The following ATF7IP variants were observed in gnomAD, a reference collection of about 807,000 sequenced individuals.
ATF7IP encodes the protein activating transcription factor 7 interacting protein.
Under a neutral mutation model 106.4 loss-of-function variants are expected in ATF7IP, and 23 were observed. The ratio of observed to expected loss-of-function variants is 0.22; its 90% CI spans 0.16 to 0.31. The LOEUF is 0.31. Ranked by LOEUF, ATF7IP falls within the 10% of genes least tolerant of loss-of-function variation. The pLI is 1.00. For synonymous variants in ATF7IP, 542 were observed against 539.0 expected, an observed-to-expected ratio of 1.01 and a Z score of -0.08; for missense variants, 1,334 against 1,524.3, an observed-to-expected ratio of 0.88 and a Z score of 2.08.
intron 1 of ATF7IP, among the ~76,000 whole-genome samples, chr12:14,410,465 T>C (rs1940853489): frequency 6.6e-6 from 1 of 152,166 alleles, no homozygotes; most frequent in African/African-American, 2.4e-5. Context: ...ATGTTTGTCT[T>C]AAAGTCACCC....
At chr12:14,460,345 G>T in intron 8 of ATF7IP, 150 bp from the exon 9 acceptor site, 3 of 719,808 alleles carry the variant, frequency 4.2e-6, no homozygotes, top group South Asian at 2.9e-5. Context: ...TTAAATTTTG[G>T]AATTTAAATC....
intron 10 of ATF7IP, among the ~76,000 whole-genome samples, chr12:14,472,305 TATGAAAAGC>T (rs200056329): frequency 2.0e-4 from 30 of 152,034 alleles, no homozygotes; most frequent in African/African-American, 4.6e-4. Flanking sequence ...AAAATGTGGT[TATGAAAAGC>T]ATGAAAAAGC....
At chr12:14,427,215 C>T (rs1941900234) in intron 2 of ATF7IP, among the ~76,000 whole-genome samples, 1 of 152,066 alleles carries the variant, frequency 6.6e-6, no homozygotes, top group African/African-American at 2.4e-5. Context: ...TTCCACTTTA[C>T]TGGCTTAGGT....
intron 13 of ATF7IP, among the ~76,000 whole-genome samples, chr12:14,487,702 C>T (rs1463544016): frequency 1.3e-5 from 2 of 152,194 alleles, no homozygotes; most frequent in Admixed American, 1.3e-4. Context: ...ACAATTTCAG[C>T]TCTTTCTCTA....
At chr12:14,492,654 G>C (rs536357856) in intron 13 of ATF7IP, among the ~76,000 whole-genome samples, 7 of 152,158 alleles carry the variant, frequency 4.6e-5, no homozygotes, top group African/African-American at 1.7e-4. Flanking sequence ...TGATTAATTA[G>C]CCAATGCCAG....
At chr12:14,478,538 T>G in intron 12 of ATF7IP, 66 bp downstream of exon 12, 1 of 1,547,504 alleles carries the variant, frequency 6.5e-7, no homozygotes, top group South Asian at 1.1e-5. Flanking sequence ...ACTATGGAGT[T>G]AAGTGGAAAG....
intron 10 of ATF7IP, among the ~76,000 whole-genome samples, chr12:14,474,462 G>T (rs1226299120): frequency 2.0e-5 from 3 of 149,184 alleles, no homozygotes; most frequent in African/African-American, 5.0e-5. Context: ...GTGCAGTCGC[G>T]CAATCTCAGC....
At chr12:14,415,648 A>C (rs771339897) in intron 1 of ATF7IP, among the ~76,000 whole-genome samples, 3 of 151,078 alleles carry the variant, frequency 2.0e-5, no homozygotes, top group Admixed American at 2.0e-4. Context: ...AACTTACTCA[A>C]CTGAGTTTAT....
chr12:14,424,042 C>T lies in ATF7IP; in HGVS notation c.127C>T (p.Leu43=). The T allele has an allele frequency of 6.2e-7, 1 of 1,614,112 alleles. No individual in the cohort carries two copies. Among genetic ancestry groups the T allele is most frequent in the Non-Finnish European group, 8.5e-7 (1 of 1,180,026 alleles). The change falls in exon 2 of 15, where the codon CTG becomes TTG. Residue 43 remains leucine, a synonymous_variant. Transcript: ENST00000261168. ...AGAACTGTTGAAAACTGATGTCAAG[C>T]TGTTAAATGGCAACCATGAAAATGG... ...KEELLKTDVK[L]LNGNHENGDL...
chr12:14,427,895 G>A (rs1941938367), intron 2 of ATF7IP, among the ~76,000 whole-genome samples: 2 of 152,116 alleles, frequency 1.3e-5, no homozygotes, highest in Admixed American at 1.3e-4. Flanking sequence ...GTAAATATTT[G>A]TAAAGTGAAT....
At chr12:14,471,514 G>T (rs778062720) in intron 10 of ATF7IP, among the ~76,000 whole-genome samples, 1 of 151,956 alleles carries the variant, frequency 6.6e-6, no homozygotes, top group Non-Finnish European at 1.5e-5. Context: ...TTGTCTCTCT[G>T]ACATTAACAT....
intron 2 of ATF7IP, among the ~76,000 whole-genome samples, chr12:14,427,681 A>G (rs1353782991): frequency 6.6e-6 from 1 of 152,102 alleles, no homozygotes. Context: ...ATTCCTTTTA[A>G]TGGCAGCTCC....
chr12:14,424,500 TG>T lies in ATF7IP; in HGVS notation c.586del (p.Ala196LeufsTer34). ...PGDATSGDAT[A>X]DDLSSGDPTS... ...GTGATGCCACCTCTGGTGATGCCACTGCTGATGATCTCTCCTCTGGTGATCC... is the reference window on the plus strand; with the variant it reads ...GTGATGCCACCTCTGGTGATGCCACTCTGATGATCTCTCCTCTGGTGATCC... On this transcript the variant is annotated frameshift_variant, in exon 2 of 15. Transcript: ENST00000261168. LOFTEE classifies it high-confidence loss of function. 2 of 1,614,066 alleles carry T rather than the reference TG, an allele frequency of 1.2e-6. No individual in the cohort carries two copies. The highest frequency in any genetic ancestry group is 1.7e-6 in the Non-Finnish European group (2 of 1,179,994).
intron 1 of ATF7IP, chr12:14,385,262 C>A: frequency 2.6e-6 from 2 of 756,584 alleles, no homozygotes; most frequent in South Asian, 2.0e-5. Context: ...CTTGAGTGCA[C>A]ATTGCAGCCA....
At position 14,371,136 on chromosome 12, in the gene ATF7IP, A is replaced by G. The variant is rs566831694; in HGVS notation, c.-8+5309A>G. On this transcript the variant is annotated intron_variant, in intron 1 of 14. Coordinates refer to ENST00000261168, the MANE Select transcript of ATF7IP (RefSeq NM_018179.5). ...AAAAAGATTATCTTGATTAATAAGG[A>G]TGTATTTCAGCTGTAATTCTACTTT... Among the ~76,000 whole-genome samples the G allele has an allele frequency of 4.4e-3, 664 of 152,132 alleles. 4 individuals are homozygous for G. The highest frequency in any genetic ancestry group is 0.015 in the African/African-American group (638 of 41,546).
At chr12:14,471,758 GC>G (rs1164122221) in intron 10 of ATF7IP, among the ~76,000 whole-genome samples, 1 of 152,030 alleles carries the variant, frequency 6.6e-6, no homozygotes, top group African/African-American at 2.4e-5. Flanking sequence ...GGGGGAAACT[GC>G]CCCCATGATT....
At chr12:14,381,200 T>C (rs1938988267) in intron 1 of ATF7IP, among the ~76,000 whole-genome samples, 1 of 152,166 alleles carries the variant, frequency 6.6e-6, no homozygotes, top group South Asian at 2.1e-4. Flanking sequence ...ATATTGTATG[T>C]TAGGGATTGC....
chr12:14,440,801 C>G (rs1418136704), intron 5 of ATF7IP, among the ~76,000 whole-genome samples: 1 of 152,192 alleles, frequency 6.6e-6, no homozygotes, highest in African/African-American at 2.4e-5. Context: ...CCTTGGCAAC[C>G]ACTAATCTGC....
intron 1 of ATF7IP, among the ~76,000 whole-genome samples, chr12:14,398,950 C>A (rs1420909777): frequency 6.6e-6 from 1 of 152,036 alleles, no homozygotes; most frequent in Non-Finnish European, 1.5e-5. Context: ...GTTTTACACG[C>A]TTGAAACCCA....
Sources: gnomAD v4.1 joint callset for allele counts (sites outside exome capture counted in the v4.1 genomes callset) on GRCh38, gnomAD v4.1.1 for gene constraint, MANE v1.5 for transcripts, NCBI Gene and HGNC (gene_info 2026-07-23, HGNC 2026-07-21) for gene names.